The following RFESD variants were observed in gnomAD, a reference collection of about 807,000 sequenced individuals.
RFESD encodes Rieske Fe-S domain containing, also known as Rieske domain-containing protein.
Under a neutral mutation model 24.4 loss-of-function variants are expected in RFESD, and 16 were observed. That is an observed-to-expected ratio of 0.66 (90% confidence interval 0.44 to 1.00). RFESD has a LOEUF of 1.00. Among genes scored for constraint, RFESD ranks in the 50% least tolerant of loss-of-function variants. The probability of loss-of-function intolerance (pLI) is 0.00; values close to 1 mark genes in which losing one functional copy is unlikely to be tolerated. For synonymous variants in RFESD, 59 were observed against 81.8 expected (o/e 0.72, Z 1.50); for missense variants, 208 against 247.0 (o/e 0.84, Z 1.06).
chr5:95,657,681 C>G lies in RFESD; in HGVS notation c.*1372C>G, dbSNP rs945664239. ...CCTTTACTACATATTATTACACTTC[C>G]TTTTCTGTTGGAGTTTGGATAGCAT... is the stretch of plus-strand genomic sequence containing the variant. On this transcript the variant is annotated 3_prime_UTR_variant, in exon 6 of 6. Coordinates refer to ENST00000380005, the MANE Select transcript of RFESD (RefSeq NM_001131066.2). The G allele has an allele frequency of 4.6e-5, 7 of 152,078 alleles. No individual in the cohort carries two copies. Among genetic ancestry groups the G allele is most frequent in the Admixed American group, 6.6e-5 (1 of 15,256 alleles). The allele number at this position is 152,078 out of a possible 1,614,324, so 9.4% of individuals were successfully genotyped here.
Position 95,653,098 on chromosome 5 carries a change from G to A in RFESD, c.61-19G>A, listed in dbSNP as rs1438144631. 1.9e-6 allele frequency: 3 copies of A among 1,551,154 alleles called. No individual in the cohort carries two copies. The highest frequency in any genetic ancestry group is 2.6e-6 in the Non-Finnish European group (3 of 1,146,910). On this transcript the variant is annotated intron_variant, in intron 2 of 5. Coordinates refer to ENST00000380005, the MANE Select transcript of RFESD (RefSeq NM_001131066.2). Reference sequence around the variant, plus strand: ...AGACTTTTCTTTCCTTCAGGCTTTTGTATTTGCTCTTCTTTCAGTATGGAA... The same window carrying A: ...AGACTTTTCTTTCCTTCAGGCTTTTATATTTGCTCTTCTTTCAGTATGGAA...
chr5:95,651,863 GAA>G (rs1448324014), intron 1 of RFESD, among the ~76,000 whole-genome samples: 1 of 152,130 alleles, frequency 6.6e-6, no homozygotes, highest in Non-Finnish European at 1.5e-5. Context: ...GAAATACAGG[GAA>G]AAGAGAGTAG....
chr5:95,653,012 G>A (rs767332641), intron 2 of RFESD, 105 bp from the exon 3 acceptor site: 1 of 1,475,346 alleles, frequency 6.8e-7, no homozygotes, highest in Non-Finnish European at 9.1e-7. Flanking sequence ...TGCACAACCT[G>A]GCTCCTGCCT....
chr5:95,652,807 AC>A, intron 2 of RFESD: 1 of 342,668 alleles, frequency 2.9e-6, no homozygotes, highest in Non-Finnish European at 5.3e-6. Context: ...TACAGCATCA[AC>A]CCCCTGCGGC....
At chr5:95,649,880 T>C (rs1750238391) in intron 1 of RFESD, among the ~76,000 whole-genome samples, 1 of 152,250 alleles carries the variant, frequency 6.6e-6, no homozygotes, top group South Asian at 2.1e-4. Context: ...TTCTTTCTTT[T>C]CTTTTTCTTT....
At chr5:95,649,616 T>G (rs1217537647) in intron 1 of RFESD, among the ~76,000 whole-genome samples, 1 of 152,224 alleles carries the variant, frequency 6.6e-6, no homozygotes, top group African/African-American at 2.4e-5. Flanking sequence ...TGGTATAATT[T>G]TTTGTCAGCC....
intron 3 of RFESD, among the ~76,000 whole-genome samples, chr5:95,653,460 C>G (rs1309023752): frequency 1.3e-5 from 2 of 152,224 alleles, no homozygotes; most frequent in Admixed American, 6.5e-5. Context: ...AAACTTAAAT[C>G]TCTATGTTTT....
intron 1 of RFESD, chr5:95,648,069 T>C (rs1191041763): frequency 6.6e-6 from 1 of 152,196 alleles, no homozygotes; most frequent in Non-Finnish European, 1.5e-5. Context: ...TCAAGACGAG[T>C]GACAAGTAAG....
Position 95,656,516 on chromosome 5 carries a change from C to T in RFESD, c.*207C>T, listed in dbSNP as rs10476543. ...AATAGAATACATTTTATCGAATCTT[C>T]TGGATTAATTAGAAACCTGAAGGTT... On this transcript the variant is annotated 3_prime_UTR_variant, in exon 6 of 6. Transcript: ENST00000380005. 790 of 479,728 alleles carry T rather than the reference C, an allele frequency of 1.6e-3. 11 individuals carry two copies. The highest frequency in any genetic ancestry group is 0.014 in the African/African-American group (722 of 50,854). The allele number at this position is 479,728 out of a possible 1,614,324, so 29.7% of individuals were successfully genotyped here. A position where few individuals can be genotyped will look rare whatever the true frequency, so the allele number is the denominator to read the frequency against.
chr5:95,655,021 C>T (rs1464598077), intron 5 of RFESD, among the ~76,000 whole-genome samples: 2 of 152,148 alleles, frequency 1.3e-5, no homozygotes, highest in African/African-American at 4.8e-5. Flanking sequence ...AAACTAGTCA[C>T]CTAATTTCTT....
At chr5:95,652,998 G>A in intron 2 of RFESD, 119 bp from the exon 3 acceptor site, 1 of 1,366,058 alleles carries the variant, frequency 7.3e-7, no homozygotes, top group Non-Finnish European at 9.9e-7. Context: ...TCCATACACA[G>A]CACTGCACAA....
Position 95,656,202 on chromosome 5 carries a change from A to T in RFESD, c.526A>T (p.Thr176Ser), listed in dbSNP as rs150745246. Residue 176 changes from threonine to serine, a missense_variant, in exon 6 of 6, where the codon ACA (threonine) becomes TCA (serine). Physicochemically the swap from Thr to Ser is moderately conservative, Grantham distance 58. Coordinates refer to ENST00000380005, the MANE Select transcript of RFESD (RefSeq NM_001131066.2). ...KGIKQRIHTV[T>S]VDNGNIYVTL... is the part of the protein sequence containing the mutation. ...AATAAAGCAAAGGATTCACACAGTG[A>T]CAGTAGACAACGGAAATATTTATGT... is the stretch of plus-strand genomic sequence containing the variant. 23 of 1,613,920 alleles carry T rather than the reference A, an allele frequency of 1.4e-5. No homozygotes were observed. The highest frequency in any genetic ancestry group is 1.8e-5 in the Non-Finnish European group (21 of 1,179,912).
At chr5:95,652,504 A>C (rs1043233372) in intron 2 of RFESD, 173 bp downstream of exon 2, 1 of 813,804 alleles carries the variant, frequency 1.2e-6, no homozygotes, top group African/African-American at 1.7e-5. Flanking sequence ...TCCATTCTGC[A>C]AAAATACCAT....
At chr5:95,654,737 A>T (rs1386342952) in intron 5 of RFESD, among the ~76,000 whole-genome samples, 1 of 152,188 alleles carries the variant, frequency 6.6e-6, no homozygotes, top group Non-Finnish European at 1.5e-5. Flanking sequence ...AGGCAGATCT[A>T]TATGGGTATG....
intron 1 of RFESD, among the ~76,000 whole-genome samples, chr5:95,650,039 C>T (rs1393507022): frequency 6.6e-6 from 1 of 152,136 alleles, no homozygotes; most frequent in African/African-American, 2.4e-5. Context: ...CTTTGAGTAC[C>T]TGCCAAAATC....
chr5:95,650,285 C>A (rs1400345251), intron 1 of RFESD, among the ~76,000 whole-genome samples: 1 of 152,124 alleles, frequency 6.6e-6, no homozygotes, highest in Admixed American at 6.5e-5. Context: ...TTTGACATCC[C>A]TATAATTTTC....
intron 5 of RFESD, 123 bp from the exon 6 acceptor site, chr5:95,655,923 A>G: frequency 1.3e-6 from 1 of 799,338 alleles, no homozygotes; most frequent in Non-Finnish European, 2.0e-6. Context: ...TAATTTGTAC[A>G]TAGGAGGAAA....
chr5:95,650,973 C>T (rs781253872), intron 1 of RFESD, among the ~76,000 whole-genome samples: 13 of 151,948 alleles, frequency 8.6e-5, no homozygotes, highest in Non-Finnish European at 1.8e-4. Flanking sequence ...TGGCGGGCGC[C>T]TGTAGTCCCA....
intron 1 of RFESD, chr5:95,647,569 CTT>C (rs1260648134): frequency 6.6e-6 from 1 of 151,998 alleles, no homozygotes; most frequent in Non-Finnish European, 1.5e-5. Flanking sequence ...AGCTCTGTGA[CTT>C]TATATAAAAT....
Sources: gnomAD v4.1 joint callset for allele counts (sites outside exome capture counted in the v4.1 genomes callset) on GRCh38, gnomAD v4.1.1 for gene constraint, MANE v1.5 for transcripts, NCBI Gene and HGNC (gene_info 2026-07-23, HGNC 2026-07-21) for gene names.